Variants in CADM2 observed in about 807,000 individuals in gnomAD.
CADM2 encodes immunoglobulin superfamily member 4D.
Under a neutral mutation model 49.8 loss-of-function variants are expected in CADM2, and 12 were observed. The observed-to-expected ratio is 0.24, with a 90% CI of 0.15 to 0.39. The LOEUF (loss-of-function observed/expected upper bound fraction) is 0.39. CADM2 is among the 10% of genes least tolerant of loss of function. The probability of loss-of-function intolerance (pLI) is 1.00; values close to 1 mark genes in which losing one functional copy is unlikely to be tolerated. For synonymous variants in CADM2, 214 were observed against 175.4 expected (o/e 1.22, Z -1.74); for missense variants, 378 against 492.3 (o/e 0.77, Z 2.20).
At chr3:85,996,125 T>G (rs775761733) in intron 8 of CADM2, among the ~76,000 whole-genome samples, 2 of 150,022 alleles carry the variant, frequency 1.3e-5, no homozygotes, top group African/African-American at 4.9e-5. Flanking sequence ...AAAAATAAAA[T>G]AAAATATAAG....
At chr3:85,167,180 G>C (rs1356791884) in intron 1 of CADM2, among the ~76,000 whole-genome samples, 1 of 151,962 alleles carries the variant, frequency 6.6e-6, no homozygotes, top group African/African-American at 2.4e-5. Flanking sequence ...AGTATCAAAA[G>C]GTGACTCCTG....
chr3:86,038,693 C>T (rs774473499), intron 8 of CADM2, among the ~76,000 whole-genome samples: 5 of 152,078 alleles, frequency 3.3e-5, no homozygotes, highest in Non-Finnish European at 7.4e-5. Flanking sequence ...GATGGGTGAA[C>T]CCTTTATATA....
At chr3:85,190,639 C>G (rs571568526) in intron 1 of CADM2, among the ~76,000 whole-genome samples, 1 of 152,002 alleles carries the variant, frequency 6.6e-6, no homozygotes, top group South Asian at 2.1e-4. Flanking sequence ...TGAGCAGGAC[C>G]CTTTTAGAGG....
chr3:85,509,743 G>C, intron 1 of CADM2, among the ~76,000 whole-genome samples: 1 of 152,020 alleles, frequency 6.6e-6, no homozygotes, highest in Non-Finnish European at 1.5e-5. Context: ...TATATAAATA[G>C]GTTTCTGGTT....
chr3:85,701,524 G>C (rs1054656643), intron 1 of CADM2, among the ~76,000 whole-genome samples: 3 of 151,090 alleles, frequency 2.0e-5, no homozygotes, highest in African/African-American at 7.3e-5. Context: ...CCTTTGTCCT[G>C]TCTGTCTAGT....
At position 85,434,952 on chromosome 3, in the gene CADM2, T is replaced by C. The variant is rs559868996; in HGVS notation, c.62-291570T>C. Among the ~76,000 whole-genome samples the C allele has an allele frequency of 2.6e-5, 4 of 152,250 alleles. No homozygotes were observed. In the East Asian group the frequency reaches 5.8e-4, roughly 22 times the overall value. On this transcript the variant is annotated intron_variant, in intron 1 of 9. Transcript: ENST00000383699. ...AAGAGTTACTAGTATATAATGATTG[T>C]TGCTAACTAGTCAGTAATTTATATT...
intron 3 of CADM2, among the ~76,000 whole-genome samples, chr3:85,861,978 C>T (rs1263774145): frequency 2.0e-5 from 3 of 152,020 alleles, no homozygotes; most frequent in Non-Finnish European, 4.4e-5. Context: ...CCCTTCCATC[C>T]TTTCATTCAA....
At chr3:85,851,711 C>T (rs188707194) in intron 3 of CADM2, among the ~76,000 whole-genome samples, 156 of 150,560 alleles carry the variant, frequency 1.0e-3, no homozygotes, top group African/African-American at 3.7e-3. Context: ...AACTACATAA[C>T]AGCTAAACTC....
intron 1 of CADM2, among the ~76,000 whole-genome samples, chr3:85,388,100 C>T (rs970617138): frequency 4.6e-5 from 7 of 152,296 alleles, no homozygotes; most frequent in East Asian, 1.9e-4. Flanking sequence ...GCCATCACAA[C>T]CTACTGCAGC....
intron 3 of CADM2, among the ~76,000 whole-genome samples, chr3:85,872,922 CTT>C (rs1235935648): frequency 2.0e-5 from 3 of 152,082 alleles, no homozygotes; most frequent in Non-Finnish European, 4.4e-5. Flanking sequence ...CATTGACTGT[CTT>C]AGTCTATTGC....
intron 1 of CADM2, among the ~76,000 whole-genome samples, chr3:85,450,323 G>A (rs2037696004): frequency 6.6e-6 from 1 of 151,552 alleles, no homozygotes; most frequent in Non-Finnish European, 1.5e-5. Context: ...GGAACCTAGG[G>A]GAAAGTTTAT....
chr3:85,235,197 A>G (rs910661937), intron 1 of CADM2, among the ~76,000 whole-genome samples: 7 of 152,072 alleles, frequency 4.6e-5, no homozygotes, highest in Non-Finnish European at 8.8e-5. Context: ...TTTCATGTAG[A>G]TGGTTTTTTG....
intron 1 of CADM2, among the ~76,000 whole-genome samples, chr3:85,346,265 A>G (rs1281987184): frequency 6.6e-6 from 1 of 152,202 alleles, no homozygotes; most frequent in Non-Finnish European, 1.5e-5. Flanking sequence ...TTTTCACACC[A>G]TTGTTTGAAT....
intron 1 of CADM2, among the ~76,000 whole-genome samples, chr3:84,990,467 T>C (rs1050962708): frequency 2.6e-5 from 4 of 151,880 alleles, no homozygotes; most frequent in Non-Finnish European, 5.9e-5. Context: ...TTTAAAGGTT[T>C]CTTTCCTGCA....
chr3:85,388,174 G>A (rs1394326185), intron 1 of CADM2, among the ~76,000 whole-genome samples: 1 of 152,150 alleles, frequency 6.6e-6, no homozygotes, highest in African/African-American at 2.4e-5. Flanking sequence ...GACTACAGGA[G>A]CATAGCACCA....
chr3:85,468,141 G>C (rs900309351), intron 1 of CADM2, among the ~76,000 whole-genome samples: 1 of 114,230 alleles, frequency 8.8e-6, no homozygotes, highest in South Asian at 2.9e-4. Context: ...GCGACAGAGC[G>C]AGACTCCGTC....
intron 2 of CADM2, among the ~76,000 whole-genome samples, chr3:85,748,872 G>A (rs2068742011): frequency 1.3e-5 from 2 of 152,066 alleles, no homozygotes; most frequent in African/African-American, 4.8e-5. Context: ...AATTATAAAA[G>A]TATTCAAACA....
At chr3:84,984,430 GTTAAC>G (rs1156896119) in intron 1 of CADM2, among the ~76,000 whole-genome samples, 2 of 131,030 alleles carry the variant, frequency 1.5e-5, no homozygotes, top group Non-Finnish European at 3.1e-5. Context: ...TACCTCCCAT[GTTAAC>G]TTAACTCATA....
At chr3:85,455,799 T>G (rs1433714) in intron 1 of CADM2, among the ~76,000 whole-genome samples, 79,432 of 152,016 alleles carry the variant, frequency 0.52, 23,036 homozygotes, top group East Asian at 0.83. Context: ...CAAACAATTA[T>G]GTGATTGGCT....
Sources: gnomAD v4.1 joint callset for allele counts (sites outside exome capture counted in the v4.1 genomes callset) on GRCh38, gnomAD v4.1.1 for gene constraint, MANE v1.5 for transcripts, NCBI Gene and HGNC (gene_info 2026-07-23, HGNC 2026-07-21) for gene names.